CNGB3: variants seen among roughly 807,000 people sequenced by gnomAD.
CNGB3 encodes the protein cyclic nucleotide gated channel subunit beta 3.
Under a neutral mutation model 92.8 loss-of-function variants are expected in CNGB3, and 86 were observed. The ratio of observed to expected loss-of-function variants is 0.93; its 90% CI spans 0.78 to 1.11. CNGB3 has a LOEUF of 1.11. CNGB3 is among the 50% of genes least tolerant of loss of function. The pLI is 0.00. For missense variants in CNGB3, 1,026 were observed against 956.8 expected (o/e 1.07, Z -0.95); for synonymous variants, 333 against 332.7 (o/e 1.00, Z -0.01).
chr8:86,709,190 T>G (rs1361329360), intron 3 of CNGB3, among the ~76,000 whole-genome samples: 1 of 152,132 alleles, frequency 6.6e-6, no homozygotes, highest in African/African-American at 2.4e-5. Flanking sequence ...GAGGTGGCCT[T>G]AGATGCAAGT....
At chr8:86,712,081 G>C (rs1824761440) in intron 3 of CNGB3, among the ~76,000 whole-genome samples, 1 of 151,626 alleles carries the variant, frequency 6.6e-6, no homozygotes, top group Non-Finnish European at 1.5e-5. Context: ...ATGAAATTGT[G>C]GTAGTAACGG....
intron 15 of CNGB3, among the ~76,000 whole-genome samples, chr8:86,585,274 A>G (rs982834080): frequency 2.6e-5 from 4 of 152,170 alleles, no homozygotes; most frequent in Non-Finnish European, 5.9e-5. Flanking sequence ...TAAATAGCAT[A>G]TGCAACAGAC....
intron 5 of CNGB3, among the ~76,000 whole-genome samples, chr8:86,667,466 C>T (rs1425112921): frequency 1.3e-5 from 2 of 152,240 alleles, no homozygotes; most frequent in Non-Finnish European, 2.9e-5. Flanking sequence ...TTTGCACAGA[C>T]ATCACTGCAG....
chr8:86,724,629 A>G (rs923527048), intron 3 of CNGB3, among the ~76,000 whole-genome samples: 2 of 152,160 alleles, frequency 1.3e-5, no homozygotes, highest in African/African-American at 4.8e-5. Flanking sequence ...GCAGATAATC[A>G]TATAAAATGC....
intron 13 of CNGB3, among the ~76,000 whole-genome samples, chr8:86,624,364 G>C (rs1219944564): frequency 6.6e-6 from 1 of 152,024 alleles, no homozygotes; most frequent in African/African-American, 2.4e-5. Context: ...GGTTGCAGTG[G>C]GCTGGGATTG....
At chr8:86,684,121 A>G (rs1454962010) in intron 3 of CNGB3, among the ~76,000 whole-genome samples, 3 of 152,166 alleles carry the variant, frequency 2.0e-5, no homozygotes, top group Admixed American at 6.6e-5. Context: ...AGTATCTAGG[A>G]TATAAAGAAT....
At chr8:86,697,980 T>C (rs1824482056) in intron 3 of CNGB3, among the ~76,000 whole-genome samples, 1 of 152,196 alleles carries the variant, frequency 6.6e-6, no homozygotes, top group South Asian at 2.1e-4. Context: ...CTCATCCTTT[T>C]TTATGGCTGT....
chr8:86,718,822 A>G (rs1041193702), intron 3 of CNGB3, among the ~76,000 whole-genome samples: 1 of 152,132 alleles, frequency 6.6e-6, no homozygotes, highest in Non-Finnish European at 1.5e-5. Flanking sequence ...ATAATCCACC[A>G]TGATCAAATG....
intron 3 of CNGB3, among the ~76,000 whole-genome samples, chr8:86,697,256 A>C (rs926342108): frequency 6.6e-6 from 1 of 152,142 alleles, no homozygotes; most frequent in Non-Finnish European, 1.5e-5. Context: ...CTGTTATTTC[A>C]ATTTACTACT....
intron 14 of CNGB3, among the ~76,000 whole-genome samples, chr8:86,608,027 C>T (rs1822445133): frequency 6.6e-6 from 1 of 152,152 alleles, no homozygotes; most frequent in African/African-American, 2.4e-5. Context: ...TGTTTCTACT[C>T]TCCTGTGGGC....
chr8:86,739,532 C>G, intron 2 of CNGB3, 123 bp downstream of exon 2: 1 of 1,439,260 alleles, frequency 6.9e-7, no homozygotes, highest in Non-Finnish European at 9.3e-7. Flanking sequence ...TTCAAATAAC[C>G]TCAGTATGAC....
intron 7 of CNGB3, 60 bp downstream of exon 7, chr8:86,653,952 G>A (rs1823453421): frequency 9.1e-7 from 1 of 1,094,650 alleles, no homozygotes; most frequent in Admixed American, 1.7e-5. Flanking sequence ...CTATAGATGG[G>A]ATTTAAAGTC....
intron 1 of CNGB3, 52 bp from the exon 2 acceptor site, chr8:86,739,788 G>A: frequency 6.3e-7 from 1 of 1,589,538 alleles, no homozygotes; most frequent in Non-Finnish European, 8.6e-7. Flanking sequence ...TAAAAATGAA[G>A]TTGAATGTAA....
chr8:86,739,836 C>A, intron 1 of CNGB3, 100 bp from the exon 2 acceptor site: 1 of 1,331,328 alleles, frequency 7.5e-7, no homozygotes, highest in Non-Finnish European at 1.1e-6. Context: ...TCAATCAGAT[C>A]ATTAAAATTG....
At chr8:86,738,471 C>T (rs1266610968) in intron 2 of CNGB3, among the ~76,000 whole-genome samples, 1 of 152,080 alleles carries the variant, frequency 6.6e-6, no homozygotes, top group Admixed American at 6.6e-5. Context: ...CAAAAGCAAC[C>T]ACTTGGCCTG....
intron 8 of CNGB3, 58 bp from the exon 9 acceptor site, chr8:86,644,744 A>AG: frequency 8.9e-7 from 1 of 1,126,274 alleles, no homozygotes; most frequent in Non-Finnish European, 1.2e-6. Context: ...TATATATTTA[A>AG]ATAAAACTAT....
rs549556902 is a variant in CNGB3, at chr8:86,725,339, T to C, written c.338+1192A>G. Among the ~76,000 whole-genome samples the C allele has an allele frequency of 3.3e-5, 5 of 152,248 alleles. No individual in the cohort carries two copies. The South Asian group carries it at 1.0e-3, about 32-fold the overall frequency. On this transcript the variant is annotated intron_variant, in intron 3 of 17. Transcript: ENST00000320005. ...TTAACCTTTCAGTATCTTGGTTGCTTATCTGTTGAGTGAAGATAATGATGA... is the reference window on the plus strand; with the variant it reads ...TTAACCTTTCAGTATCTTGGTTGCTCATCTGTTGAGTGAAGATAATGATGA...
intron 10 of CNGB3, among the ~76,000 whole-genome samples, chr8:86,635,820 T>TTA (rs1563735294): frequency 1.4e-4 from 9 of 62,128 alleles, no homozygotes; most frequent in Non-Finnish European, 1.8e-4. Flanking sequence ...GTATAACACA[T>TTA]GATATATATA....
chr8:86,721,842 T>A (rs993146768), intron 3 of CNGB3, among the ~76,000 whole-genome samples: 3 of 152,186 alleles, frequency 2.0e-5, no homozygotes, highest in African/African-American at 7.2e-5. Flanking sequence ...TTTTTAAGCA[T>A]CTTTACTGCA....
Sources: gnomAD v4.1 joint callset for allele counts (sites outside exome capture counted in the v4.1 genomes callset) on GRCh38, gnomAD v4.1.1 for gene constraint, MANE v1.5 for transcripts, NCBI Gene and HGNC (gene_info 2026-07-23, HGNC 2026-07-21) for gene names.